The following CCDC92B variants were observed in gnomAD, a reference collection of about 807,000 sequenced individuals.
CCDC92B encodes the protein coiled-coil domain-containing 92B.
In CCDC92B, 2 loss-of-function variants were observed where a neutral mutation model predicts 5.6. That is an observed-to-expected ratio of 0.36 (90% CI 0.15 to 1.12). CCDC92B has a LOEUF of 1.12. CCDC92B is among the 50% of genes most tolerant of loss of function. The probability of loss-of-function intolerance (pLI) is 0.40; values close to 1 mark genes in which losing one functional copy is unlikely to be tolerated. For synonymous variants in CCDC92B, 115 were observed against 122.3 expected, an observed-to-expected ratio of 0.94 and a Z score of 0.39; for missense variants, 271 against 262.2, an observed-to-expected ratio of 1.03 and a Z score of -0.23.
At position 2,740,965 on chromosome 17, in the gene CCDC92B, C is replaced by CA. The variant is rs34349370; in HGVS notation, c.-23-5798dup. On this transcript the variant is annotated intron_variant, in intron 1 of 3. Coordinates refer to ENST00000614400, the MANE Select transcript of CCDC92B (RefSeq NM_001355573.2). ...CTGGTGACAGACAAAGACCCTGTCTCAAAAAAAAAAAAAAAAAAAAAAAAA... is the reference window on the plus strand; with the variant it reads ...CTGGTGACAGACAAAGACCCTGTCTCAAAAAAAAAAAAAAAAAAAAAAAAAA... Among the ~76,000 whole-genome samples the CA allele has an allele frequency of 5.2e-3, 266 of 50,900 alleles. 9 individuals carry two copies. Among genetic ancestry groups the CA allele is most frequent in the South Asian group, 0.01 (11 of 1,070 alleles). 33.4% of individuals were successfully genotyped at this position (50,900 alleles called of 152,430 possible).
rs969934811 is a variant in CCDC92B at position 2,721,830 on chromosome 17, A to T, written c.*2581T>A. 1 of 152,132 alleles carries T rather than the reference A, an allele frequency of 6.6e-6. No individual in the cohort carries two copies. The highest frequency in any genetic ancestry group is 2.4e-5 in the African/African-American group (1 of 41,392). 9.4% of individuals were successfully genotyped at this position (152,132 alleles called of 1,614,324 possible). A position where few individuals can be genotyped will look rare whatever the true frequency, so the allele number is the denominator to read the frequency against. ...TCCAAGCACCTCACAAACAATTGTC[A>T]TTATCTGTGGTTGCTGGAAGAGGGA... On this transcript the variant is annotated 3_prime_UTR_variant, in exon 4 of 4. Coordinates refer to ENST00000614400, the MANE Select transcript of CCDC92B (RefSeq NM_001355573.2).
At chr17:2,748,277 T>A in intron 1 of CCDC92B, 1 of 1,059,788 alleles carries the variant, frequency 9.4e-7, no homozygotes, top group Non-Finnish European at 1.3e-6. Flanking sequence ...GACCCATCCT[T>A]CAGGGCCTTG....
chr17:2,738,181 C>A (rs913849655), intron 1 of CCDC92B, among the ~76,000 whole-genome samples: 1 of 152,026 alleles, frequency 6.6e-6, no homozygotes, highest in Middle Eastern at 3.4e-3. Context: ...CTAAGGTCTA[C>A]AAGTGACTGC....
At chr17:2,730,515 G>A in intron 2 of CCDC92B, 22 bp from the exon 3 acceptor site, 1 of 959,476 alleles carries the variant, frequency 1.0e-6, no homozygotes, top group South Asian at 4.9e-5. Flanking sequence ...GAAAAGAAAA[G>A]GCAGTTTGTG....
intron 1 of CCDC92B, among the ~76,000 whole-genome samples, chr17:2,737,727 C>G (rs1034559239): frequency 2.6e-5 from 4 of 151,926 alleles, no homozygotes; most frequent in African/African-American, 9.7e-5. Context: ...CCACCCGCCT[C>G]GGCCTCCCAA....
chr17:2,747,084 CTCTT>C (rs2070995634), intron 1 of CCDC92B, among the ~76,000 whole-genome samples: 1 of 152,176 alleles, frequency 6.6e-6, no homozygotes, highest in African/African-American at 2.4e-5. Flanking sequence ...CCTCTGCCAC[CTCTT>C]TCTTTCCCTC....
rs566174135 is a variant in CCDC92B, at chr17:2,722,100, C to T, written c.*2311G>A. Reference sequence around the variant, plus strand: ...TGCAGAAGAATCGACCTAACAAAGTCACCCTGTTCACCCCAAAAGTGTGGT... The same window carrying T: ...TGCAGAAGAATCGACCTAACAAAGTTACCCTGTTCACCCCAAAAGTGTGGT... On this transcript the variant is annotated 3_prime_UTR_variant, in exon 4 of 4. Transcript: ENST00000614400. 2.0e-5 allele frequency: 3 copies of T among 152,254 alleles called. No homozygotes were observed. Among genetic ancestry groups the T allele is most frequent in the African/African-American group, 4.8e-5 (2 of 41,518 alleles). The allele number at this position is 152,254 out of a possible 1,614,324, so 9.4% of individuals were successfully genotyped here.
intron 1 of CCDC92B, among the ~76,000 whole-genome samples, chr17:2,737,909 C>T (rs9890791): frequency 0.018 from 2,709 of 152,056 alleles, 110 homozygotes; most frequent in African/African-American, 0.061. Context: ...CACTCTTCAG[C>T]GGGTATTACC....
intron 2 of CCDC92B, among the ~76,000 whole-genome samples, chr17:2,733,505 C>T (rs376946536): frequency 2.7e-5 from 4 of 149,002 alleles, no homozygotes; most frequent in East Asian, 1.9e-4. Context: ...GTGATCCGCC[C>T]GCCTCAGCCT....
chr17:2,733,152 A>G (rs1379658924), intron 2 of CCDC92B, among the ~76,000 whole-genome samples: 1 of 151,374 alleles, frequency 6.6e-6, no homozygotes, highest in Non-Finnish European at 1.5e-5. Flanking sequence ...CCTGCTCCAC[A>G]TTTTGGGATC....
At chr17:2,731,954 G>A (rs888418737) in intron 2 of CCDC92B, among the ~76,000 whole-genome samples, 2 of 152,232 alleles carry the variant, frequency 1.3e-5, no homozygotes, top group African/African-American at 4.8e-5. Context: ...TGAGCGTGCT[G>A]TGAGGTCAGA....
rs2071030426 is a variant in CCDC92B, at chr17:2,749,559, G to A, written c.-172C>T. Reference sequence around the variant, plus strand: ...GCCATCAGCTGCTGGGAGGCTGCGGGGCAGTCGGGCCGGGGCTCCGGGGGG... The same window carrying A: ...GCCATCAGCTGCTGGGAGGCTGCGGAGCAGTCGGGCCGGGGCTCCGGGGGG... On this transcript the variant is annotated 5_prime_UTR_variant, in exon 1 of 4. Transcript: ENST00000614400. 2.1e-5 allele frequency: 3 copies of A among 140,934 alleles called. No homozygotes were observed. The highest frequency in any genetic ancestry group is 8.6e-5 in the African/African-American group (3 of 34,936). 8.7% of individuals were successfully genotyped at this position (140,934 alleles called of 1,614,324 possible). A position where few individuals can be genotyped will look rare whatever the true frequency, so the allele number is the denominator to read the frequency against.
At chr17:2,732,796 G>A (rs1468567356) in intron 2 of CCDC92B, among the ~76,000 whole-genome samples, 1 of 151,598 alleles carries the variant, frequency 6.6e-6, no homozygotes, top group African/African-American at 2.4e-5. Flanking sequence ...GGCGGATCAC[G>A]AGGTCAGGAG....
intron 2 of CCDC92B, among the ~76,000 whole-genome samples, chr17:2,733,744 CTTTTTTTTT>C (rs386385447): frequency 7.3e-4 from 36 of 49,326 alleles, no homozygotes; most frequent in Middle Eastern, 0.021. Flanking sequence ...GGACCACTGG[CTTTTTTTTT>C]TTTTTTTTTT....
chr17:2,733,311 G>A (rs1198862658), intron 2 of CCDC92B, among the ~76,000 whole-genome samples: 1 of 150,144 alleles, frequency 6.7e-6, no homozygotes, highest in Non-Finnish European at 1.5e-5. Flanking sequence ...CCAGGCTGGA[G>A]TGCAATGGCA....
intron 3 of CCDC92B, among the ~76,000 whole-genome samples, 183 bp downstream of exon 3, chr17:2,730,263 G>T (rs1383521548): frequency 2.0e-5 from 3 of 152,136 alleles, no homozygotes; most frequent in Non-Finnish European, 4.4e-5. Context: ...ACTGCACAAG[G>T]CATTTCACAA....
chr17:2,730,424 C>G (rs2070778655), intron 3 of CCDC92B, 22 bp downstream of exon 3: 1 of 984,934 alleles, frequency 1.0e-6, no homozygotes, highest in African/African-American at 1.7e-5. Context: ...TGACGCTTCC[C>G]CACCAGTGGT....
Position 2,730,435 on chromosome 17 carries a change from C to T in CCDC92B, c.178+11G>A, listed in dbSNP as rs113184551. ...CCCATGACGCTTCCCCACCAGTGGT[C>T]CTTCTCTTACCTTGCTGGTGAGATT... On this transcript the variant is annotated intron_variant, in intron 3 of 3. Coordinates refer to ENST00000614400, the MANE Select transcript of CCDC92B (RefSeq NM_001355573.2). 1.5e-4 allele frequency: 146 copies of T among 985,096 alleles called. 1 individual carries two copies. In the African/African-American group the frequency reaches 2.4e-3, roughly 16 times the overall value. 61.0% of individuals were successfully genotyped at this position (985,096 alleles called of 1,614,324 possible). A position where few individuals can be genotyped will look rare whatever the true frequency, so the allele number is the denominator to read the frequency against.
intron 2 of CCDC92B, among the ~76,000 whole-genome samples, chr17:2,733,029 T>TA (rs2070813508): frequency 1.7e-5 from 2 of 118,218 alleles, no homozygotes; most frequent in African/African-American, 5.8e-5. Flanking sequence ...AATAAATAAA[T>TA]AAAAATAAAT....
Sources: gnomAD v4.1 joint callset for allele counts (sites outside exome capture counted in the v4.1 genomes callset) on GRCh38, gnomAD v4.1.1 for gene constraint, MANE v1.5 for transcripts, NCBI Gene and HGNC (gene_info 2026-07-23, HGNC 2026-07-21) for gene names.